The following CLDN14 variants were observed in gnomAD, a reference collection of about 807,000 sequenced individuals.
CLDN14 encodes the protein claudin-14.
CLDN14 carries 2 observed loss-of-function variants against 2.1 expected under a neutral mutation model. The observed-to-expected ratio is 0.96, with a 90% confidence interval of 0.39 to 3.01. The LOEUF (loss-of-function observed/expected upper bound fraction) is 3.01, where lower values mean the gene tolerates loss of function less well. Ranked by LOEUF, CLDN14 falls within the 30% of genes most tolerant of loss-of-function variation. CLDN14 has a pLI of 0.09. For missense variants in CLDN14, 298 were observed against 328.0 expected, an observed-to-expected ratio of 0.91 and a Z score of 0.71; for synonymous variants, 136 against 154.4, an observed-to-expected ratio of 0.88 and a Z score of 0.88.
intron 2 of CLDN14, among the ~76,000 whole-genome samples, chr21:36,492,768 A>G (rs1601608733): frequency 6.6e-6 from 1 of 152,360 alleles, no homozygotes; most frequent in African/African-American, 2.4e-5. Context: ...TGATGCGACT[A>G]CAAGCCAGGG....
chr21:36,564,777 G>A (rs1360840861), intron 1 of CLDN14, among the ~76,000 whole-genome samples: 5 of 152,236 alleles, frequency 3.3e-5, no homozygotes, highest in Admixed American at 3.3e-4. Flanking sequence ...TGAGCCCAAT[G>A]TAGTACCAAG....
At chr21:36,513,795 G>C (rs2087202998) in intron 1 of CLDN14, among the ~76,000 whole-genome samples, 1 of 152,168 alleles carries the variant, frequency 6.6e-6, no homozygotes, top group Non-Finnish European at 1.5e-5. Context: ...CAGCCCCTCA[G>C]TCTGGCCCCT....
Position 36,531,694 on chromosome 21 carries a change from T to G in CLDN14, c.-219-21194A>C, listed in dbSNP as rs1262945123. Among the ~76,000 whole-genome samples, 9 of 138,448 alleles carry G rather than the reference T, an allele frequency of 6.5e-5. No homozygotes were observed. In the East Asian group the frequency reaches 1.8e-3, roughly 28 times the overall value. The allele number at this position is 138,448 out of a possible 152,430, so 90.8% of individuals were successfully genotyped here. On this transcript the variant is annotated intron_variant, in intron 1 of 2. Coordinates refer to the CLDN14 transcript ENST00000342108. The stretch of plus-strand genomic sequence containing the variant: ...AGAGTGGACTTCAGTCTTTGTCTGT[T>G]TTTTTTTTTTTTTTAACTAAGGAAA...
chr21:36,557,922 T>C (rs2087610336), intron 1 of CLDN14, among the ~76,000 whole-genome samples: 1 of 152,224 alleles, frequency 6.6e-6, no homozygotes, highest in African/African-American at 2.4e-5. Flanking sequence ...GGTCTTAGGT[T>C]AATCTTTAAT....
chr21:36,491,070 C>G (rs1002813875), intron 2 of CLDN14, among the ~76,000 whole-genome samples: 2 of 152,068 alleles, frequency 1.3e-5, no homozygotes, highest in East Asian at 1.9e-4. Context: ...CGAAGAAAGG[C>G]CTTCATTTGC....
At chr21:36,510,421 G>C (rs1023383200) in exon 2 of CLDN14, 3 of 152,316 alleles carry the variant, frequency 2.0e-5, no homozygotes, top group African/African-American at 7.2e-5. Context: ...GGTCTCTGGT[G>C]TCAGTAGGAG....
At chr21:36,467,814 G>A (rs545600818) in intron 1 of CLDN14, among the ~76,000 whole-genome samples, 9 of 152,278 alleles carry the variant, frequency 5.9e-5, no homozygotes, top group African/African-American at 1.4e-4. Context: ...ACATTGCTCC[G>A]TGGCCCTTGT....
At chr21:36,481,265 C>T (rs937309898), upstream of CLDN14, among the ~76,000 whole-genome samples, 1 of 152,154 alleles carries the variant, frequency 6.6e-6, no homozygotes, top group African/African-American at 2.4e-5. Flanking sequence ...AAAGCAGTTA[C>T]ACAGGCTGAA....
chr21:36,508,680 A>G (rs932360731), intron 2 of CLDN14, among the ~76,000 whole-genome samples: 1 of 152,150 alleles, frequency 6.6e-6, no homozygotes, highest in Non-Finnish European at 1.5e-5. Flanking sequence ...CACTGAGGCC[A>G]TTGCTCTTGG....
chr21:36,554,772 C>T (rs1050421263), intron 1 of CLDN14, among the ~76,000 whole-genome samples: 1 of 152,118 alleles, frequency 6.6e-6, no homozygotes, highest in African/African-American at 2.4e-5. Context: ...GAGGAGGATG[C>T]CACGGGATGT....
chr21:36,513,786 A>G (rs886144497), intron 1 of CLDN14, among the ~76,000 whole-genome samples: 6 of 152,180 alleles, frequency 3.9e-5, no homozygotes, highest in African/African-American at 9.7e-5. Flanking sequence ...TAATACAAGC[A>G]GCCCCTCAGT....
Position 36,551,648 on chromosome 21 carries a change from C to T in CLDN14, c.-220+24763G>A, listed in dbSNP as rs1043897953. 1.3e-5 allele frequency among the ~76,000 whole-genome samples: 2 copies of T among 152,184 alleles called. No individual in the cohort carries two copies. The highest frequency in any genetic ancestry group is 2.4e-5 in the African/African-American group (1 of 41,442). On this transcript the variant is annotated intron_variant, in intron 1 of 2. Coordinates refer to the CLDN14 transcript ENST00000342108. The surrounding 1 kb of genome is among the most constrained non-coding windows in gnomAD (Gnocchi z 4.8). ...GGTGGGTAGAGGGATGACCCTGAGC[C>T]AGCCCTGTTGCAACAGCTCCTCCTG...
At chr21:36,487,347 A>T in intron 2 of CLDN14, 1 of 217,904 alleles carries the variant, frequency 4.6e-6, no homozygotes. Flanking sequence ...CTGGGTGGGG[A>T]AGAAGTCCTC....
intron 1 of CLDN14, among the ~76,000 whole-genome samples, chr21:36,469,988 A>G (rs1454668297): frequency 2.0e-5 from 3 of 152,144 alleles, no homozygotes; most frequent in Non-Finnish European, 4.4e-5. Flanking sequence ...GTCATTAAAA[A>G]CTTGTCATCT....
chr21:36,473,181 T>G (rs2086732154), intron 1 of CLDN14, among the ~76,000 whole-genome samples: 1 of 152,202 alleles, frequency 6.6e-6, no homozygotes, highest in African/African-American at 2.4e-5. Flanking sequence ...TCTCTCAGGC[T>G]CAAGTGATCC....
At chr21:36,543,722 A>G (rs1349315650) in intron 1 of CLDN14, among the ~76,000 whole-genome samples, 2 of 151,030 alleles carry the variant, frequency 1.3e-5, no homozygotes, top group African/African-American at 4.8e-5. Context: ...TGCGACTTGA[A>G]CCCAGGCATC....
intron 1 of CLDN14, among the ~76,000 whole-genome samples, chr21:36,561,963 T>TTGTTTTGCTACAAAAAAATCC (rs2087638961): frequency 6.6e-6 from 1 of 150,426 alleles, no homozygotes; most frequent in African/African-American, 2.4e-5. Context: ...TTCAAGACTC[T>TTGTTTTGCTACAAAAAAATCC]TGTTTTGCTG....
intron 1 of CLDN14, among the ~76,000 whole-genome samples, chr21:36,571,331 T>C (rs146572663): frequency 1.3e-5 from 2 of 152,220 alleles, no homozygotes; most frequent in Non-Finnish European, 2.9e-5. Flanking sequence ...AGTTATGTCA[T>C]GTGTGGTTAA....
At chr21:36,500,382 G>T (rs2146476095) in intron 2 of CLDN14, among the ~76,000 whole-genome samples, 1 of 152,174 alleles carries the variant, frequency 6.6e-6, no homozygotes, top group South Asian at 2.1e-4. Flanking sequence ...CCAACCACAG[G>T]GTCTGGAGGA....
Sources: allele counts gnomAD v4.1 joint callset (sites outside exome capture counted in the v4.1 genomes callset), GRCh38; gene constraint gnomAD v4.1.1; non-coding constraint Gnocchi (gnomAD v3.1); transcripts MANE v1.5; gene names NCBI Gene and HGNC (gene_info 2026-07-23, HGNC 2026-07-21).